ALKBH8: variants seen among roughly 807,000 people sequenced by gnomAD.
ALKBH8 encodes tRNA (carboxymethyluridine(34)-5-O)-methyltransferase ALKBH8.
In ALKBH8, 36 loss-of-function variants were observed where a neutral mutation model predicts 59.8. The ratio of observed to expected loss-of-function variants is 0.60; its 90% CI spans 0.46 to 0.79. ALKBH8 has a LOEUF of 0.79. Among genes scored for constraint, ALKBH8 ranks in the 30% least tolerant of loss-of-function variants. The pLI, the probability that ALKBH8 is intolerant of heterozygous loss-of-function variation, is 0.00. For synonymous variants in ALKBH8, 276 were observed against 273.6 expected, an observed-to-expected ratio of 1.01 and a Z score of -0.09; for missense variants, 768 against 801.0, an observed-to-expected ratio of 0.96 and a Z score of 0.50.
intron 10 of ALKBH8, among the ~76,000 whole-genome samples, chr11:107,519,817 T>C (rs764991232): frequency 3.3e-5 from 5 of 152,182 alleles, no homozygotes; most frequent in Non-Finnish European, 4.4e-5. Context: ...GTTTCAGCAA[T>C]AACTAGCTGA....
chr11:107,511,191 T>G (rs1862608200), intron 10 of ALKBH8, among the ~76,000 whole-genome samples, 155 bp from the exon 11 acceptor site: 1 of 152,186 alleles, frequency 6.6e-6, no homozygotes, highest in Non-Finnish European at 1.5e-5. Context: ...ACAGCCAGTA[T>G]AAAATCAGAA....
chr11:107,511,514 C>T (rs1862624792), intron 10 of ALKBH8, among the ~76,000 whole-genome samples: 1 of 151,994 alleles, frequency 6.6e-6, no homozygotes, highest in South Asian at 2.1e-4. Context: ...TTTTCTGCTT[C>T]TTTATACTTT....
intron 7 of ALKBH8, among the ~76,000 whole-genome samples, chr11:107,545,177 G>A (rs779760981): frequency 6.6e-6 from 1 of 152,178 alleles, no homozygotes; most frequent in African/African-American, 2.4e-5. Context: ...TGGAGATGAA[G>A]CCAGTATGTC....
intron 9 of ALKBH8, among the ~76,000 whole-genome samples, chr11:107,523,933 A>G (rs368024771): frequency 3.9e-5 from 6 of 152,218 alleles, no homozygotes; most frequent in South Asian, 2.1e-4. Flanking sequence ...CTCATCACAA[A>G]AAAGTATAAG....
intron 8 of ALKBH8, among the ~76,000 whole-genome samples, chr11:107,529,889 T>C (rs1358320894): frequency 1.3e-5 from 2 of 152,120 alleles, no homozygotes; most frequent in Non-Finnish European, 2.9e-5. Flanking sequence ...ACAAGCACAG[T>C]GTTAAATGAC....
chr11:107,565,353 G>A, intron 1 of ALKBH8: 1 of 582,802 alleles, frequency 1.7e-6, no homozygotes, highest in African/African-American at 1.9e-5. Context: ...AAAGAAAACA[G>A]AAGATTGACA....
intron 8 of ALKBH8, among the ~76,000 whole-genome samples, chr11:107,530,915 T>C (rs532303017): frequency 6.6e-6 from 1 of 152,148 alleles, no homozygotes; most frequent in African/African-American, 2.4e-5. Flanking sequence ...TCACAATATA[T>C]CCATGAAAAG....
At chr11:107,547,067 G>A (rs1864290262) in intron 7 of ALKBH8, among the ~76,000 whole-genome samples, 1 of 152,096 alleles carries the variant, frequency 6.6e-6, no homozygotes, top group Non-Finnish European at 1.5e-5. Context: ...CTGAGTCTTT[G>A]ACATTATATT....
At position 107,544,069 on chromosome 11, in the gene ALKBH8, C is replaced by T. The variant is rs575796310; in HGVS notation, c.771+5684G>A. The stretch of plus-strand genomic sequence containing the variant: ...AGCCAACTGGTAGTTTCATCTATAC[C>T]ACTTAAGCGGGCTTCTACTGTAGTT... On this transcript the variant is annotated intron_variant, in intron 7 of 11. Transcript: ENST00000428149. 2.6e-5 allele frequency among the ~76,000 whole-genome samples: 4 copies of T among 152,266 alleles called. 1 individual carries two copies. The highest frequency in any genetic ancestry group is 9.6e-5 in the African/African-American group (4 of 41,562).
chr11:107,560,263 T>C (rs1035024661), intron 2 of ALKBH8, among the ~76,000 whole-genome samples: 5 of 152,190 alleles, frequency 3.3e-5, no homozygotes, highest in African/African-American at 1.2e-4. Flanking sequence ...TAATAAGGTC[T>C]AATAAAATAA....
At chr11:107,557,950 CA>C (rs1286275593) in intron 2 of ALKBH8, among the ~76,000 whole-genome samples, 4 of 152,170 alleles carry the variant, frequency 2.6e-5, no homozygotes, top group Non-Finnish European at 1.5e-5. Context: ...CTACTCTCAT[CA>C]ATTTCTTCAT....
intron 8 of ALKBH8, 137 bp from the exon 9 acceptor site, chr11:107,525,729 C>T: frequency 1.8e-6 from 1 of 564,794 alleles, no homozygotes. Flanking sequence ...AATTGTTAGA[C>T]ATTGTGGAAA....
intron 7 of ALKBH8, among the ~76,000 whole-genome samples, chr11:107,540,664 A>G (rs1272798096): frequency 6.6e-6 from 1 of 152,178 alleles, no homozygotes; most frequent in African/African-American, 2.4e-5. Context: ...TCACTTATAT[A>G]CCATGGCTTC....
chr11:107,512,454 C>T (rs1450234431), intron 10 of ALKBH8, among the ~76,000 whole-genome samples: 1 of 152,070 alleles, frequency 6.6e-6, no homozygotes, highest in Non-Finnish European at 1.5e-5. Flanking sequence ...GCTGGGGGTA[C>T]AGGTGCGTAC....
At chr11:107,506,193 A>G (rs1862377352) in intron 11 of ALKBH8, among the ~76,000 whole-genome samples, 1 of 152,212 alleles carries the variant, frequency 6.6e-6, no homozygotes, top group Non-Finnish European at 1.5e-5. Context: ...AGAAGTAGGA[A>G]CAAAAATAAA....
At chr11:107,526,334 T>C (rs796785061) in intron 8 of ALKBH8, among the ~76,000 whole-genome samples, 8 of 151,862 alleles carry the variant, frequency 5.3e-5, no homozygotes, top group Admixed American at 2.0e-4. Context: ...TGGTATGAAA[T>C]TGTGGTTTTA....
At chr11:107,505,561 T>G (rs1258880995) in intron 11 of ALKBH8, among the ~76,000 whole-genome samples, 1 of 152,220 alleles carries the variant, frequency 6.6e-6, no homozygotes, top group East Asian at 1.9e-4. Flanking sequence ...TATATAATGC[T>G]TTTACAAAGG....
intron 9 of ALKBH8, among the ~76,000 whole-genome samples, chr11:107,525,078 T>C (rs1229718584): frequency 1.3e-5 from 2 of 152,212 alleles, no homozygotes; most frequent in Admixed American, 1.3e-4. Context: ...TAATAAGATA[T>C]AATTTAGAAA....
At chr11:107,538,451 T>A (rs1863911122) in intron 7 of ALKBH8, among the ~76,000 whole-genome samples, 1 of 152,226 alleles carries the variant, frequency 6.6e-6, no homozygotes, top group Non-Finnish European at 1.5e-5. Flanking sequence ...CATTCTGTTA[T>A]GTGAAAATTT....
Sources: allele counts gnomAD v4.1 joint callset (sites outside exome capture counted in the v4.1 genomes callset), GRCh38; gene constraint gnomAD v4.1.1; transcripts MANE v1.5; gene names NCBI Gene and HGNC (gene_info 2026-07-23, HGNC 2026-07-21).